The following ALPK1 variants were observed in gnomAD, a reference collection of about 807,000 sequenced individuals.
The protein encoded by ALPK1 is alpha-protein kinase 1.
ALPK1 carries 110 observed loss-of-function variants against 120.6 expected under a neutral mutation model. That is an observed-to-expected ratio of 0.91 (90% CI 0.78 to 1.07). ALPK1 has a LOEUF of 1.07. Ranked by LOEUF, ALPK1 falls within the 50% of genes least tolerant of loss-of-function variation. The probability of loss-of-function intolerance (pLI) is 0.00; values close to 1 mark genes in which losing one functional copy is unlikely to be tolerated. For synonymous variants in ALPK1, 582 were observed against 560.3 expected, an observed-to-expected ratio of 1.04 and a Z score of -0.55; for missense variants, 1,498 against 1,483.9, an observed-to-expected ratio of 1.01 and a Z score of -0.16.
chr4:112,316,812 A>G (rs570003113), intron 2 of ALPK1, among the ~76,000 whole-genome samples: 195 of 152,084 alleles, frequency 1.3e-3, no homozygotes, highest in Non-Finnish European at 2.3e-3. Flanking sequence ...TTTTTTTTCA[A>G]GCTTTGTCTG....
rs577492520 is a variant in ALPK1 at position 112,418,157 on chromosome 4, C to T, written c.476-5787C>T. 1.7e-4 allele frequency among the ~76,000 whole-genome samples: 26 copies of T among 152,342 alleles called. No homozygotes were observed. In the South Asian group the frequency reaches 5.2e-3, roughly 30 times the overall value. On this transcript the variant is annotated intron_variant, in intron 5 of 15. Transcript: ENST00000650871. ...AGAGCTCCTGGCCCTCATACCTACG[C>T]ACACCACGGCTGAGATCAAGACCTT... is the stretch of plus-strand genomic sequence containing the variant.
At chr4:112,358,444 C>T in intron 2 of ALPK1, 1 of 653,568 alleles carries the variant, frequency 1.5e-6, no homozygotes, top group Non-Finnish European at 2.8e-6. Flanking sequence ...CCCTCCTCTC[C>T]ACCAGGAAAG....
At chr4:112,357,594 G>T in intron 2 of ALPK1, 1 of 1,582,194 alleles carries the variant, frequency 6.3e-7, no homozygotes, top group Non-Finnish European at 8.7e-7. Flanking sequence ...CCCTGGAGTT[G>T]CAGATCCCTT....
chr4:112,299,420 T>G (rs1420307010), intron 1 of ALPK1, among the ~76,000 whole-genome samples: 4 of 152,178 alleles, frequency 2.6e-5, no homozygotes. Context: ...AATTTGCTTA[T>G]AAAACCTAGA....
chr4:112,424,889 A>T (rs556910280), intron 6 of ALPK1, among the ~76,000 whole-genome samples: 1 of 152,230 alleles, frequency 6.6e-6, no homozygotes, highest in Admixed American at 6.5e-5. Context: ...TTGATGTTTG[A>T]CCGACCACTG....
At chr4:112,312,521 C>T (rs894595262) in intron 1 of ALPK1, among the ~76,000 whole-genome samples, 1 of 152,232 alleles carries the variant, frequency 6.6e-6, no homozygotes, top group Non-Finnish European at 1.5e-5. Context: ...ATCCGCCCAC[C>T]TCGGCCTTCC....
intron 1 of ALPK1, among the ~76,000 whole-genome samples, chr4:112,313,312 G>T (rs191428540): frequency 1.3e-5 from 2 of 152,304 alleles, no homozygotes; most frequent in African/African-American, 4.8e-5. Flanking sequence ...AAAAGACTAA[G>T]GAGTGATCAG....
chr4:112,312,169 G>A (rs1728434540), intron 1 of ALPK1, among the ~76,000 whole-genome samples: 1 of 152,086 alleles, frequency 6.6e-6, no homozygotes, highest in Non-Finnish European at 1.5e-5. Context: ...TTATTTCTTA[G>A]TAGGATCATA....
intron 4 of ALPK1, among the ~76,000 whole-genome samples, chr4:112,395,667 T>C (rs979569929): frequency 7.9e-5 from 12 of 152,248 alleles, no homozygotes; most frequent in African/African-American, 2.9e-4. Flanking sequence ...AGAAACTTTT[T>C]GTTCATGTTA....
At chr4:112,382,309 TTG>T in intron 3 of ALPK1, 87 bp from the exon 4 acceptor site, 301 of 816,138 alleles carry the variant, frequency 3.7e-4, no homozygotes, top group South Asian at 1.5e-3. Flanking sequence ...TTTTTTTTTT[TTG>T]CCACTGAGGT....
intron 5 of ALPK1, among the ~76,000 whole-genome samples, chr4:112,417,069 T>A (rs1733777397): frequency 6.6e-6 from 1 of 152,016 alleles, no homozygotes; most frequent in South Asian, 2.1e-4. Flanking sequence ...CTCCAAAAAA[T>A]TGAGAGGACA....
intron 2 of ALPK1, among the ~76,000 whole-genome samples, chr4:112,324,028 TATAAAAA>T: frequency 6.6e-6 from 1 of 152,164 alleles, no homozygotes; most frequent in African/African-American, 2.4e-5. Flanking sequence ...CCACTGCTTT[TATAAAAA>T]GCCTGCTCTT....
chr4:112,386,704 T>A (rs1467342354), intron 4 of ALPK1, among the ~76,000 whole-genome samples: 5 of 152,334 alleles, frequency 3.3e-5, no homozygotes, highest in African/African-American at 1.2e-4. Flanking sequence ...GAAGTATTAT[T>A]TCATCTTCAT....
intron 1 of ALPK1, among the ~76,000 whole-genome samples, chr4:112,303,730 T>A (rs1293862945): frequency 6.6e-6 from 1 of 151,944 alleles, no homozygotes; most frequent in East Asian, 1.9e-4. Context: ...TTTTTTTTAA[T>A]CATACTTTAA....
intron 4 of ALPK1, among the ~76,000 whole-genome samples, chr4:112,389,524 G>T (rs1293603977): frequency 2.6e-5 from 4 of 152,242 alleles, no homozygotes; most frequent in Non-Finnish European, 5.9e-5. Context: ...CTCTAAGGCT[G>T]CAACAATTGT....
intron 4 of ALPK1, among the ~76,000 whole-genome samples, chr4:112,411,360 G>A (rs1011396958): frequency 1.3e-5 from 2 of 152,162 alleles, no homozygotes; most frequent in African/African-American, 4.8e-5. Flanking sequence ...GAGTAGCTGG[G>A]ACTACAGGCG....
chr4:112,375,948 T>C (rs1731640478), intron 2 of ALPK1, among the ~76,000 whole-genome samples: 1 of 152,092 alleles, frequency 6.6e-6, no homozygotes, highest in South Asian at 2.1e-4. Flanking sequence ...ATTTTAATAT[T>C]TTTGTGTCTC....
chr4:112,381,043 G>A (rs934800652), intron 3 of ALPK1, among the ~76,000 whole-genome samples: 10 of 152,204 alleles, frequency 6.6e-5, no homozygotes, highest in East Asian at 3.8e-4. Flanking sequence ...CCAAAGAGCC[G>A]GAACGGGATT....
chr4:112,377,635 T>C (rs1177974445), intron 2 of ALPK1, 43 bp from the exon 3 acceptor site: 2 of 757,730 alleles, frequency 2.6e-6, no homozygotes, highest in Non-Finnish European at 4.0e-6. Flanking sequence ...AGATAATTGA[T>C]GATGCTTCAG....
Sources: gnomAD v4.1 joint callset for allele counts (sites outside exome capture counted in the v4.1 genomes callset) on GRCh38, gnomAD v4.1.1 for gene constraint, MANE v1.5 for transcripts, NCBI Gene and HGNC (gene_info 2026-07-23, HGNC 2026-07-21) for gene names.